The following CADM2 variants were observed in gnomAD, a reference collection of about 807,000 sequenced individuals.
CADM2 encodes the protein cell adhesion molecule 2, also known as immunoglobulin superfamily member 4D.
A neutral mutation model predicts 49.8 loss-of-function variants in CADM2; 12 were observed. The ratio of observed to expected loss-of-function variants is 0.24; its 90% CI spans 0.15 to 0.39. The LOEUF is 0.39. CADM2 is among the 10% of genes least tolerant of loss of function. The probability of loss-of-function intolerance (pLI) is 1.00; values close to 1 mark genes in which losing one functional copy is unlikely to be tolerated. For missense variants in CADM2, 378 were observed against 492.3 expected, an observed-to-expected ratio of 0.77 and a Z score of 2.20; for synonymous variants, 214 against 175.4, an observed-to-expected ratio of 1.22 and a Z score of -1.74.
chr3:85,894,374 A>G (rs2108428748), intron 5 of CADM2, among the ~76,000 whole-genome samples: 1 of 152,278 alleles, frequency 6.6e-6, no homozygotes, highest in Non-Finnish European at 1.5e-5. Context: ...GAGGGATAGC[A>G]TTAGGAGATA....
intron 8 of CADM2, among the ~76,000 whole-genome samples, chr3:86,058,333 T>G (rs1258815340): frequency 8.7e-5 from 13 of 149,012 alleles, no homozygotes; most frequent in Non-Finnish European, 8.9e-5. Context: ...TCCAACTCTC[T>G]TTTTTTTTTC....
intron 1 of CADM2, among the ~76,000 whole-genome samples, chr3:85,357,105 T>A (rs2031927512): frequency 6.6e-6 from 1 of 152,132 alleles, no homozygotes; most frequent in African/African-American, 2.4e-5. Context: ...AACTAGTCTA[T>A]TATTTATATC....
intron 1 of CADM2, among the ~76,000 whole-genome samples, chr3:85,690,911 T>C (rs935923672): frequency 6.6e-6 from 1 of 152,214 alleles, no homozygotes; most frequent in African/African-American, 2.4e-5. Flanking sequence ...TTATCATTTC[T>C]TTGTGATGAG....
chr3:85,216,025 G>C (rs932842228), intron 1 of CADM2, among the ~76,000 whole-genome samples: 2 of 151,932 alleles, frequency 1.3e-5, no homozygotes, highest in African/African-American at 4.8e-5. Context: ...TTACTATGAC[G>C]TTAAAGCCAG....
chr3:86,063,652 C>CA (rs112339425), intron 8 of CADM2, among the ~76,000 whole-genome samples: 10,083 of 152,198 alleles, frequency 0.066, 885 homozygotes, highest in African/African-American at 0.2. Context: ...TTCAAACAGT[C>CA]AGACTTTTTT....
chr3:85,566,874 G>A (rs141467040), intron 1 of CADM2, among the ~76,000 whole-genome samples: 4 of 152,222 alleles, frequency 2.6e-5, no homozygotes, highest in East Asian at 1.9e-4. Flanking sequence ...TCTGTACTCC[G>A]TTTCAGGAAT....
At chr3:85,616,752 A>T (rs1045056073) in intron 1 of CADM2, among the ~76,000 whole-genome samples, 1 of 152,164 alleles carries the variant, frequency 6.6e-6, no homozygotes, top group Non-Finnish European at 1.5e-5. Context: ...ATTGAAATAG[A>T]TTTTTGTAAT....
chr3:85,615,835 A>AT (rs1283851757), intron 1 of CADM2, among the ~76,000 whole-genome samples: 1 of 151,948 alleles, frequency 6.6e-6, no homozygotes, highest in Non-Finnish European at 1.5e-5. Flanking sequence ...TCTTCAGATA[A>AT]TTTATACTTT....
intron 1 of CADM2, among the ~76,000 whole-genome samples, chr3:85,505,744 A>G (rs1019410748): frequency 1.3e-5 from 2 of 152,204 alleles, no homozygotes; most frequent in African/African-American, 4.8e-5. Context: ...CAAGTAGGAC[A>G]ATTAATTGAT....
rs1024772872 is a variant in CADM2, at chr3:85,110,094, C to G, written c.61+150426C>G. Among the ~76,000 whole-genome samples the G allele has an allele frequency of 1.1e-4, 16 of 151,972 alleles. No homozygotes were observed. In the Middle Eastern group the frequency reaches 0.01, roughly 97 times the overall value. On this transcript the variant is annotated intron_variant, in intron 1 of 9. Transcript: ENST00000383699. ...GATGAGGATATTTAATGTTGTGCAG[C>G]AATTTCATCCGAAGCAGGGTGTCCT...
chr3:85,573,092 C>A (rs17023032), intron 1 of CADM2, among the ~76,000 whole-genome samples: 87,796 of 151,756 alleles, frequency 0.58, 26,941 homozygotes, highest in East Asian at 0.93. Context: ...TAGGGTATTT[C>A]GACAAAAATA....
At chr3:85,485,666 A>G (rs1384649122) in intron 1 of CADM2, among the ~76,000 whole-genome samples, 1 of 152,082 alleles carries the variant, frequency 6.6e-6, no homozygotes, top group Non-Finnish European at 1.5e-5. Context: ...ACATAATTAT[A>G]TTTTACTAAC....
chr3:85,623,876 G>T (rs1182289827), intron 1 of CADM2, among the ~76,000 whole-genome samples: 1 of 151,996 alleles, frequency 6.6e-6, no homozygotes, highest in African/African-American at 2.4e-5. Context: ...TCCAAGACAA[G>T]TAATTATGGA....
At chr3:85,471,336 C>T (rs2107609521) in intron 1 of CADM2, among the ~76,000 whole-genome samples, 1 of 152,248 alleles carries the variant, frequency 6.6e-6, no homozygotes, top group African/African-American at 2.4e-5. Context: ...AGTGTTAAGT[C>T]TCACTCAGAC....
chr3:85,505,459 G>T (rs554688914), intron 1 of CADM2, among the ~76,000 whole-genome samples: 1 of 152,262 alleles, frequency 6.6e-6, no homozygotes, highest in Non-Finnish European at 1.5e-5. Context: ...CTTAGGTAAA[G>T]TTCTCCTCTC....
intron 7 of CADM2, among the ~76,000 whole-genome samples, chr3:85,943,076 T>C (rs910568561): frequency 2.0e-5 from 3 of 152,166 alleles, no homozygotes; most frequent in Non-Finnish European, 4.4e-5. Flanking sequence ...TGCATTTCTC[T>C]GATGGCCAGT....
intron 1 of CADM2, among the ~76,000 whole-genome samples, chr3:85,253,899 AG>A (rs1284934369): frequency 6.6e-6 from 1 of 152,080 alleles, no homozygotes; most frequent in Non-Finnish European, 1.5e-5. Flanking sequence ...ACACTACTCA[AG>A]GGAACATTTC....
rs529405842 is a variant in CADM2, at chr3:85,946,574, C to T, written c.791+10717C>T. 1.0e-3 allele frequency among the ~76,000 whole-genome samples: 158 copies of T among 151,682 alleles called. 1 individual carries two copies. The highest frequency in any genetic ancestry group is 3.5e-3 in the African/African-American group (146 of 41,462). ...CAGCATGGTACTGGTACCAAAACAG[C>T]ATGGTACTGGTACCAAAACAGAGAT... On this transcript the variant is annotated intron_variant, in intron 7 of 9. Transcript: ENST00000383699.
chr3:85,642,183 G>A (rs1171708475), intron 1 of CADM2, among the ~76,000 whole-genome samples: 2 of 152,160 alleles, frequency 1.3e-5, no homozygotes, highest in East Asian at 1.9e-4. Context: ...AGCCCTGTTT[G>A]TTTAATACTG....
Sources: allele counts gnomAD v4.1 joint callset (sites outside exome capture counted in the v4.1 genomes callset), GRCh38; gene constraint gnomAD v4.1.1; transcripts MANE v1.5; gene names NCBI Gene and HGNC (gene_info 2026-07-23, HGNC 2026-07-21).